Variants in PANK1 observed in about 807,000 individuals in gnomAD.
PANK1 encodes pantothenic acid kinase 1.
A neutral mutation model predicts 40.1 loss-of-function variants in PANK1; 18 were observed. The observed-to-expected ratio is 0.45, with a 90% CI of 0.31 to 0.67. The LOEUF is 0.67. PANK1 is among the 30% of genes least tolerant of loss of function. PANK1 has a pLI of 0.06. For missense variants in PANK1, 457 were observed against 599.6 expected (o/e 0.76, Z 2.48); for synonymous variants, 242 against 237.7 (o/e 1.02, Z -0.17).
At chr10:89,585,159 C>G (rs762773915) in intron 6 of PANK1, among the ~76,000 whole-genome samples, 3 of 152,134 alleles carry the variant, frequency 2.0e-5, no homozygotes, top group Non-Finnish European at 2.9e-5. Flanking sequence ...CCATTCCTCA[C>G]AGATAGCTGT....
chr10:89,595,516 G>A (rs1396410499), intron 3 of PANK1, among the ~76,000 whole-genome samples: 1 of 150,900 alleles, frequency 6.6e-6, no homozygotes, highest in African/African-American at 2.4e-5. Flanking sequence ...ATTGTCATTT[G>A]TATAAAAGTA....
Position 89,587,122 on chromosome 10 carries a change from C to CA in PANK1, c.1326+1529dup, listed in dbSNP as rs368375029. On this transcript the variant is annotated intron_variant, in intron 6 of 6. Coordinates refer to ENST00000307534, the MANE Select transcript of PANK1 (RefSeq NM_148977.3). ...TGGGTGACAGAGGGAGACTCTGTCT[C>CA]AAAAAAAAAAAAGAAACTCCAATAA... Among the ~76,000 whole-genome samples, 677 of 129,628 alleles carry CA rather than the reference C, an allele frequency of 5.2e-3. 6 individuals are homozygous for CA. The highest frequency in any genetic ancestry group is 0.046 in the Middle Eastern group (12 of 262). The allele number at this position is 129,628 out of a possible 152,430, so 85.0% of individuals were successfully genotyped here.
intron 1 of PANK1, among the ~76,000 whole-genome samples, chr10:89,638,252 C>A (rs558371400): frequency 1.3e-5 from 2 of 152,370 alleles, no homozygotes; most frequent in South Asian, 4.1e-4. Context: ...TATATGTGCT[C>A]CTTCCTTGGT....
chr10:89,592,674 A>G (rs1844434100), intron 5 of PANK1: 3 of 522,338 alleles, frequency 5.7e-6, no homozygotes, highest in Non-Finnish European at 7.9e-6. Flanking sequence ...ACATGTTAAT[A>G]CAACTTTGTA....
At chr10:89,585,414 C>T (rs1483739564) in intron 6 of PANK1, among the ~76,000 whole-genome samples, 1 of 152,142 alleles carries the variant, frequency 6.6e-6, no homozygotes, top group Non-Finnish European at 1.5e-5. Flanking sequence ...CAGGAGGCTC[C>T]ATTCTTCTGG....
At chr10:89,605,218 G>A (rs1022407481) in intron 2 of PANK1, among the ~76,000 whole-genome samples, 1 of 152,150 alleles carries the variant, frequency 6.6e-6, no homozygotes, top group African/African-American at 2.4e-5. Flanking sequence ...GGTTTGCTGA[G>A]GGTTGGGGTG....
At position 89,584,167 on chromosome 10, in the gene PANK1, A is replaced by AT. The variant is rs1192648180; in HGVS notation, c.*238dup. On this transcript the variant is annotated 3_prime_UTR_variant, in exon 7 of 7. Transcript: ENST00000307534. ...TTGGTAGGTTTGGCCACGCTGCACC[A>AT]TTTTTTTAAAAAAATACAGTATACA... The AT allele has an allele frequency of 3.4e-5, 15 of 439,784 alleles. No homozygotes were observed. The South Asian group carries it at 7.0e-4, about 21-fold the overall frequency. The allele number at this position is 439,784 out of a possible 1,614,324, so 27.2% of individuals were successfully genotyped here.
At chr10:89,611,658 G>A (rs1589789229) in intron 2 of PANK1, 38 bp downstream of exon 2, 1 of 1,431,366 alleles carries the variant, frequency 7.0e-7, no homozygotes, top group South Asian at 1.3e-5. Context: ...GGACATGTGA[G>A]AGGTTTTGAT....
chr10:89,635,144 AG>A (rs1352906861), intron 1 of PANK1, among the ~76,000 whole-genome samples: 30 of 109,030 alleles, frequency 2.8e-4, no homozygotes, highest in African/African-American at 5.1e-4. Context: ...ATATATATAT[AG>A]AGAGAGAGAG....
chr10:89,595,873 T>TAAAA (rs1554837976), intron 3 of PANK1, among the ~76,000 whole-genome samples: 2,273 of 80,984 alleles, frequency 0.028, 118 homozygotes, highest in East Asian at 0.14. Context: ...TATATATATA[T>TAAAA]AACTTCATTT....
intron 1 of PANK1, among the ~76,000 whole-genome samples, chr10:89,620,112 A>C (rs76914518): frequency 0.037 from 5,663 of 152,284 alleles, 412 homozygotes; most frequent in East Asian, 0.28. Flanking sequence ...TAAACTGAGG[A>C]TGTATATCCC....
intron 6 of PANK1, 41 bp from the exon 7 acceptor site, chr10:89,584,506 C>T (rs1185338592): frequency 3.1e-6 from 4 of 1,291,156 alleles, no homozygotes; most frequent in African/African-American, 2.9e-5. Context: ...GAACCTTAGC[C>T]AAATATGTAT....
At chr10:89,585,228 T>G (rs1412471783) in intron 6 of PANK1, among the ~76,000 whole-genome samples, 1 of 152,144 alleles carries the variant, frequency 6.6e-6, no homozygotes, top group East Asian at 1.9e-4. Flanking sequence ...GGGAGCTCCC[T>G]TAGACCTTTT....
At chr10:89,642,368 T>C (rs1841993934) in intron 1 of PANK1, among the ~76,000 whole-genome samples, 1 of 152,262 alleles carries the variant, frequency 6.6e-6, no homozygotes, top group African/African-American at 2.4e-5. Context: ...GTGTTAACAC[T>C]GGCTATCTTA....
chr10:89,617,760 G>A (rs997032682), intron 1 of PANK1, among the ~76,000 whole-genome samples: 1 of 152,164 alleles, frequency 6.6e-6, no homozygotes, highest in African/African-American at 2.4e-5. Context: ...AAATACAAAG[G>A]AATAAGCAAA....
chr10:89,627,870 A>C (rs893816528), intron 1 of PANK1, among the ~76,000 whole-genome samples: 1 of 152,220 alleles, frequency 6.6e-6, no homozygotes, highest in African/African-American at 2.4e-5. Flanking sequence ...CAAGTTTTAA[A>C]ATAATAAGAT....
At chr10:89,590,261 G>T (rs1376061744) in intron 5 of PANK1, among the ~76,000 whole-genome samples, 1 of 151,952 alleles carries the variant, frequency 6.6e-6, no homozygotes, top group African/African-American at 2.4e-5. Flanking sequence ...ACATAAAATG[G>T]ATTTGTTAAT....
At chr10:89,600,212 G>A (rs762207532) in intron 2 of PANK1, among the ~76,000 whole-genome samples, 4 of 152,210 alleles carry the variant, frequency 2.6e-5, no homozygotes, top group African/African-American at 9.7e-5. Context: ...AGGGAATGCT[G>A]CCAAGAAAGA....
chr10:89,582,389 A>C (rs576615667), downstream of PANK1: 1 of 152,246 alleles, frequency 6.6e-6, no homozygotes, highest in African/African-American at 2.4e-5. Context: ...GTCAACATTT[A>C]ACTGATATTT....
Sources: allele counts gnomAD v4.1 joint callset (sites outside exome capture counted in the v4.1 genomes callset), GRCh38; gene constraint gnomAD v4.1.1; transcripts MANE v1.5; gene names NCBI Gene and HGNC (gene_info 2026-07-23, HGNC 2026-07-21).